The following CHRM3 variants were observed in gnomAD, a reference collection of about 807,000 sequenced individuals.
CHRM3 encodes the protein muscarinic acetylcholine receptor M3.
Under a neutral mutation model 41.8 loss-of-function variants are expected in CHRM3, and 11 were observed. That is an observed-to-expected ratio of 0.26 (90% CI 0.17 to 0.44). CHRM3 has a LOEUF of 0.44. CHRM3 is among the 20% of genes least tolerant of loss of function. The probability of loss-of-function intolerance (pLI) is 1.00; values close to 1 mark genes in which losing one functional copy is unlikely to be tolerated. For synonymous variants in CHRM3, 297 were observed against 301.4 expected (o/e 0.99, Z 0.15); for missense variants, 571 against 745.4 (o/e 0.77, Z 2.72).
chr1:239,654,972 A>C (rs1038536044), intron 4 of CHRM3, among the ~76,000 whole-genome samples: 3 of 152,224 alleles, frequency 2.0e-5, no homozygotes, highest in Non-Finnish European at 4.4e-5. Context: ...TATTATAAGA[A>C]AATAAAAATA....
At chr1:239,900,020 G>C (rs1679393081) in intron 6 of CHRM3, 1 of 152,354 alleles carries the variant, frequency 6.6e-6, no homozygotes, top group South Asian at 2.1e-4. Flanking sequence ...AAGGATCTCT[G>C]TTCCCACCAC....
intron 3 of CHRM3, among the ~76,000 whole-genome samples, chr1:239,556,595 G>C (rs1448284378): frequency 6.6e-6 from 1 of 152,110 alleles, no homozygotes. Context: ...ACTAAAAATA[G>C]AGTAATTAAA....
At chr1:239,683,877 C>T (rs1380395425) in intron 5 of CHRM3, among the ~76,000 whole-genome samples, 1 of 151,944 alleles carries the variant, frequency 6.6e-6, no homozygotes, top group Non-Finnish European at 1.5e-5. Flanking sequence ...TATTGCTTCA[C>T]TTTTGCATTT....
intron 5 of CHRM3, among the ~76,000 whole-genome samples, chr1:239,688,785 A>T (rs2147956871): frequency 7.2e-6 from 1 of 139,046 alleles, no homozygotes; most frequent in Non-Finnish European, 1.5e-5. Context: ...TATTCAATAT[A>T]ATATACAATA....
intron 1 of CHRM3, among the ~76,000 whole-genome samples, chr1:239,457,053 C>A (rs1376763286): frequency 6.6e-6 from 1 of 152,164 alleles, no homozygotes; most frequent in Admixed American, 6.5e-5. Flanking sequence ...CAGCTTGTTG[C>A]TGTCATTCCC....
Position 239,907,803 on chromosome 1 carries a change from G to C in CHRM3, c.352G>C (p.Gly118Arg). 1 of 1,614,138 alleles carries C rather than the reference G, an allele frequency of 6.2e-7. No individual in the cohort carries two copies. Among genetic ancestry groups the C allele is most frequent in the Non-Finnish European group, 8.5e-7 (1 of 1,180,038 alleles). ...CCTGGCCTGTGCCGATCTGATTATC[G>C]GGGTCATTTCAATGAATCTGTTTAC... ...LSLACADLII[G>R]VISMNLFTTY... Residue 118 changes from glycine to arginine, a missense_variant, in exon 7 of 7, where the codon GGG (glycine) becomes CGG (arginine). Gly to Arg is a moderately radical substitution (Grantham distance 125). Around this residue, in one of 5 missense-constraint regions of CHRM3, gnomAD observed 153 missense variants for 296.3 expected, o/e 0.52. Transcript: ENST00000676153. This position sits in a 1 kb window ranked among gnomAD's most constrained non-coding sequence, Gnocchi z 5.4.
intron 1 of CHRM3, among the ~76,000 whole-genome samples, chr1:239,483,662 G>A (rs1185151695): frequency 1.3e-5 from 2 of 152,156 alleles, no homozygotes. Flanking sequence ...TACGTAGCTA[G>A]AGATTAATTG....
chr1:239,849,356 TCATCTA>T (rs1190311713), intron 6 of CHRM3, among the ~76,000 whole-genome samples: 2 of 152,202 alleles, frequency 1.3e-5, no homozygotes, highest in Non-Finnish European at 2.9e-5. Flanking sequence ...CCACATTCTT[TCATCTA>T]CAGACGTTTC....
chr1:239,683,656 A>G (rs145777927), intron 5 of CHRM3, among the ~76,000 whole-genome samples: 1 of 152,338 alleles, frequency 6.6e-6, no homozygotes, highest in African/African-American at 2.4e-5. Flanking sequence ...AAGAGATAAA[A>G]TTCGACAGCA....
intron 5 of CHRM3, among the ~76,000 whole-genome samples, chr1:239,784,523 C>A (rs1312139348): frequency 6.6e-6 from 1 of 152,124 alleles, no homozygotes; most frequent in Non-Finnish European, 1.5e-5. Context: ...CTTAGAATAG[C>A]AAAGTATTCC....
intron 1 of CHRM3, among the ~76,000 whole-genome samples, chr1:239,436,093 G>T (rs1490001322): frequency 1.3e-5 from 2 of 152,170 alleles, no homozygotes; most frequent in Non-Finnish European, 2.9e-5. Context: ...ATATGTGGAT[G>T]TGAATATGTG....
intron 6 of CHRM3, among the ~76,000 whole-genome samples, chr1:239,894,278 T>A (rs975129467): frequency 6.6e-6 from 1 of 152,132 alleles, no homozygotes; most frequent in African/African-American, 2.4e-5. Flanking sequence ...ACGTATATAT[T>A]CAACAAGGGA....
intron 6 of CHRM3, among the ~76,000 whole-genome samples, chr1:239,888,885 G>A (rs1220078659): frequency 1.3e-5 from 2 of 152,104 alleles, no homozygotes; most frequent in Admixed American, 1.3e-4. Flanking sequence ...CTTACCCATG[G>A]TTTATGCAGA....
At chr1:239,793,803 A>ATTTTTTTTTTTTTTTTTTTTTTTTTT (rs67460907) in intron 5 of CHRM3, among the ~76,000 whole-genome samples, 7 of 69,494 alleles carry the variant, frequency 1.0e-4, no homozygotes, top group African/African-American at 3.7e-4. Context: ...TGAAATGTGT[A>ATTTTTTTTTTTTTTTTTTTTTTTTTT]TTTTTTTTTT....
intron 1 of CHRM3, among the ~76,000 whole-genome samples, chr1:239,416,391 C>T (rs1661506320): frequency 6.6e-6 from 1 of 151,070 alleles, no homozygotes; most frequent in Admixed American, 6.6e-5. Context: ...GTAAAGAGTA[C>T]AACTTCTGAC....
intron 1 of CHRM3, among the ~76,000 whole-genome samples, chr1:239,476,932 C>T (rs1336835433): frequency 6.6e-6 from 1 of 152,044 alleles, no homozygotes; most frequent in Admixed American, 6.5e-5. Flanking sequence ...AAATAATTTT[C>T]AAGGGATTAG....
At chr1:239,698,628 G>T (rs745326253) in intron 5 of CHRM3, among the ~76,000 whole-genome samples, 1 of 152,136 alleles carries the variant, frequency 6.6e-6, no homozygotes, top group Non-Finnish European at 1.5e-5. Flanking sequence ...TTCCAATCAA[G>T]CATATACACT....
intron 6 of CHRM3, among the ~76,000 whole-genome samples, chr1:239,882,897 C>T (rs1351892198): frequency 6.6e-6 from 1 of 152,202 alleles, no homozygotes; most frequent in Non-Finnish European, 1.5e-5. Flanking sequence ...GTGAAATTGA[C>T]ATTGAGGGTG....
intron 6 of CHRM3, among the ~76,000 whole-genome samples, chr1:239,852,470 A>C (rs2149228775): frequency 6.6e-6 from 1 of 152,254 alleles, no homozygotes; most frequent in African/African-American, 2.4e-5. Context: ...TATTCTTTGA[A>C]CCAAATTTCA....
Sources: allele counts gnomAD v4.1 joint callset (sites outside exome capture counted in the v4.1 genomes callset), GRCh38; gene constraint gnomAD v4.1.1; regional missense constraint gnomAD v4.1.1; non-coding constraint Gnocchi (gnomAD v3.1); transcripts MANE v1.5; gene names NCBI Gene and HGNC (gene_info 2026-07-23, HGNC 2026-07-21).